Variants in OSBP observed in about 807,000 individuals in gnomAD.
OSBP encodes oxysterol binding protein, also known as oxysterol-binding protein 1.
Under a neutral mutation model 96.6 loss-of-function variants are expected in OSBP, and 32 were observed. The observed-to-expected ratio is 0.33, with a 90% CI of 0.25 to 0.45. The LOEUF (loss-of-function observed/expected upper bound fraction) is 0.45. Ranked by LOEUF, OSBP falls within the 20% of genes least tolerant of loss-of-function variation. The pLI is 1.00. For synonymous variants in OSBP, 369 were observed against 389.6 expected (o/e 0.95, Z 0.62); for missense variants, 653 against 1,029.7 (o/e 0.63, Z 5.01).
Position 59,580,211 on chromosome 11 carries a change from A to G in OSBP, c.1841T>C (p.Val614Ala), listed in dbSNP as rs1323946250. ...KTGDKCNLKF[V>A]PYSYFSRDVA... ...ATCCCGAGAGAAGTAGCTATAAGGA[A>G]CAAATTTAAGATTACACTTGTCTCC... The change falls in exon 11 of 14, where the codon GTT (valine) becomes GCT (alanine). Residue 614 changes from valine to alanine, a missense_variant. Around this residue, in one of 6 missense-constraint regions of OSBP, gnomAD observed 169 missense variants for 251.5 expected, o/e 0.67. Transcript: ENST00000263847. The G allele has an allele frequency of 6.8e-6, 11 of 1,612,810 alleles. No homozygotes were observed. Among genetic ancestry groups the G allele is most frequent in the Non-Finnish European group, 7.6e-6 (9 of 1,178,986 alleles).
chr11:59,580,441 T>C (rs73484887), intron 10 of OSBP, among the ~76,000 whole-genome samples, 172 bp from the exon 11 acceptor site: 4,207 of 152,290 alleles, frequency 0.028, 184 homozygotes, highest in African/African-American at 0.094. Context: ...ACCTTGGTTT[T>C]CCAGGTTGAG....
At chr11:59,596,280 C>T (rs1260577448) in intron 7 of OSBP, among the ~76,000 whole-genome samples, 3 of 152,012 alleles carry the variant, frequency 2.0e-5, no homozygotes, top group Non-Finnish European at 2.9e-5. Flanking sequence ...AAAATCTGTC[C>T]GTGGCAGAAT....
chr11:59,591,706 C>T (rs1188922745), intron 9 of OSBP, among the ~76,000 whole-genome samples: 11 of 151,506 alleles, frequency 7.3e-5, no homozygotes, highest in Admixed American at 6.6e-4. Flanking sequence ...CTGCAACCTC[C>T]GCCTCCTGGG....
intron 3 of OSBP, among the ~76,000 whole-genome samples, chr11:59,602,763 A>G (rs1169402021): frequency 6.6e-6 from 1 of 152,196 alleles, no homozygotes; most frequent in Admixed American, 6.5e-5. Flanking sequence ...TTGGGACTAC[A>G]GTTATGTACC....
intron 10 of OSBP, among the ~76,000 whole-genome samples, chr11:59,581,202 A>G (rs1860416435): frequency 6.6e-6 from 1 of 152,192 alleles, no homozygotes; most frequent in Non-Finnish European, 1.5e-5. Flanking sequence ...CTGTCGTAGC[A>G]CCCAACACAG....
intron 9 of OSBP, among the ~76,000 whole-genome samples, chr11:59,593,061 G>A (rs1402425486): frequency 6.6e-6 from 1 of 152,178 alleles, no homozygotes; most frequent in Non-Finnish European, 1.5e-5. Flanking sequence ...GCCTCCCAAA[G>A]TGCTAGGATT....
rs1860346823 is a variant in OSBP, at chr11:59,575,167, A to T, written c.*1410T>A. The stretch of plus-strand genomic sequence containing the variant: ...ATTCAGCCTATGCGCCGGACAGAGC[A>T]GAATTAAATTGGAAGTTGCCCTCCG... On this transcript the variant is annotated 3_prime_UTR_variant, in exon 14 of 14. Coordinates refer to ENST00000263847, the MANE Select transcript of OSBP (RefSeq NM_002556.3). 6.6e-6 allele frequency: 1 copy of T among 152,224 alleles called. No individual in the cohort carries two copies. The highest frequency in any genetic ancestry group is 1.5e-5 in the Non-Finnish European group (1 of 68,036). The allele number at this position is 152,224 out of a possible 1,614,324, so 9.4% of individuals were successfully genotyped here. A position where few individuals can be genotyped will look rare whatever the true frequency, so the allele number is the denominator to read the frequency against.
rs1860711417 is a variant in OSBP at position 59,600,603 on chromosome 11, T to C, written c.1204A>G (p.Lys402Glu). 6.2e-7 allele frequency: 1 copy of C among 1,613,996 alleles called. No homozygotes were observed. The change falls in exon 7 of 14, where the codon AAA becomes GAA. Residue 402 changes from lysine to glutamate, a missense_variant. Coordinates refer to ENST00000263847, the MANE Select transcript of OSBP (RefSeq NM_002556.3). ...GGTATTCTGGTTCTCTTTTCCTTTT[T>C]GGTCTCCTCCAGCTGATGCTTGTAC... ...EQYKHQLEET[K>E]KEKRTRIPYK... is the part of the protein sequence containing the mutation.
rs932821904 is a variant in OSBP at position 59,601,000 on chromosome 11, G to A, written c.1125-127C>T. 16 of 760,660 alleles carry A rather than the reference G, an allele frequency of 2.1e-5. 1 individual carries two copies. Among genetic ancestry groups the A allele is most frequent in the Non-Finnish European group, 2.4e-5 (11 of 450,706 alleles). The allele number at this position is 760,660 out of a possible 1,614,324, so 47.1% of individuals were successfully genotyped here. The stretch of plus-strand genomic sequence containing the variant: ...ACTTATTGATGGGTGATCAAATGAC[G>A]ACATTTAGAGTAGGAATGAATTTAA... On this transcript the variant is annotated intron_variant, in intron 5 of 13. Coordinates refer to ENST00000263847, the MANE Select transcript of OSBP (RefSeq NM_002556.3).
chr11:59,577,264 C>A (rs543489189), intron 12 of OSBP, among the ~76,000 whole-genome samples: 1 of 152,296 alleles, frequency 6.6e-6, no homozygotes, highest in East Asian at 1.9e-4. Flanking sequence ...GTGTGGTGCC[C>A]AGCTGAAATT....
intron 3 of OSBP, among the ~76,000 whole-genome samples, chr11:59,608,064 C>T (rs931371510): frequency 1.3e-5 from 2 of 152,132 alleles, no homozygotes; most frequent in Non-Finnish European, 2.9e-5. Context: ...AAGAACATGA[C>T]AATGGAAGGG....
intron 3 of OSBP, among the ~76,000 whole-genome samples, chr11:59,605,384 T>TCTCC (rs1860770012): frequency 1.3e-5 from 2 of 152,080 alleles, no homozygotes; most frequent in South Asian, 4.2e-4. Context: ...GATCAAAGCT[T>TCTCC]CTCCCTCATT....
In OSBP at chr11:59,615,711, C is replaced by G; in HGVS notation, c.-47G>C. The stretch of plus-strand genomic sequence containing the variant: ...ACAAGACCGGAACCGCCTACGAGAG[C>G]CGCCGTCGCCGCCCGGAGCGCCCCA... On this transcript the variant is annotated 5_prime_UTR_variant, in exon 1 of 14. Transcript: ENST00000263847. 1.6e-6 allele frequency: 2 copies of G among 1,258,932 alleles called. No homozygotes were observed. Among genetic ancestry groups the G allele is most frequent in the Non-Finnish European group, 2.0e-6 (2 of 1,003,122 alleles). The allele number at this position is 1,258,932 out of a possible 1,614,324, so 78.0% of individuals were successfully genotyped here. A position where few individuals can be genotyped will look rare whatever the true frequency, so the allele number is the denominator to read the frequency against.
chr11:59,577,495 CTTAT>C (rs1435517482), intron 12 of OSBP, among the ~76,000 whole-genome samples: 6 of 151,058 alleles, frequency 4.0e-5, no homozygotes, highest in Admixed American at 2.0e-4. Context: ...TTTTCTTTTT[CTTAT>C]TTATTTATTT....
intron 9 of OSBP, among the ~76,000 whole-genome samples, chr11:59,588,044 T>C (rs1327402811): frequency 4.6e-5 from 7 of 152,196 alleles, no homozygotes; most frequent in African/African-American, 1.4e-4. Context: ...ATAAATATTA[T>C]TCAGCCTTAA....
chr11:59,575,710 A>T lies in OSBP; in HGVS notation c.*867T>A, dbSNP rs1242601274. Reference sequence around the variant, plus strand: ...AGACCCAAAATGGTACTGTGCCAGAAGAAGAGAAGCCAGAAAGACAATGAA... The same window carrying T: ...AGACCCAAAATGGTACTGTGCCAGATGAAGAGAAGCCAGAAAGACAATGAA... On this transcript the variant is annotated 3_prime_UTR_variant, in exon 14 of 14. Coordinates refer to ENST00000263847, the MANE Select transcript of OSBP (RefSeq NM_002556.3). 6.6e-6 allele frequency: 1 copy of T among 152,454 alleles called. No individual in the cohort carries two copies. Among genetic ancestry groups the T allele is most frequent in the African/African-American group, 2.4e-5 (1 of 41,428 alleles). The allele number at this position is 152,454 out of a possible 1,614,324, so 9.4% of individuals were successfully genotyped here.
intron 9 of OSBP, among the ~76,000 whole-genome samples, chr11:59,590,574 A>C (rs1860565493): frequency 6.6e-6 from 1 of 152,198 alleles, no homozygotes; most frequent in Non-Finnish European, 1.5e-5. Flanking sequence ...TCAATGGCTG[A>C]CCCATAATGA....
In OSBP at chr11:59,615,386, G is replaced by A. The variant is rs1359486674; in HGVS notation, c.279C>T (p.Gly93=). Residue 93 remains glycine (G), a synonymous_variant, in exon 1 of 14, where the codon GGC becomes GGT. Coordinates refer to ENST00000263847, the MANE Select transcript of OSBP (RefSeq NM_002556.3). ...GAGGSGSARE[G]WLFKWTNYIK... ...TATAATTGGTCCATTTGAAGAGCCAGCCCTCTCGAGCCGAGCCCGAACCCC... is the reference window on the plus strand; with the variant it reads ...TATAATTGGTCCATTTGAAGAGCCAACCCTCTCGAGCCGAGCCCGAACCCC... The A allele has an allele frequency of 3.8e-6, 6 of 1,578,414 alleles. No homozygotes were observed. Among genetic ancestry groups the A allele is most frequent in the East Asian group, 2.4e-5 (1 of 41,898 alleles).
rs1323746866 is a variant in OSBP, at chr11:59,601,353, C to T, written c.1054G>A (p.Asp352Asn). 3.1e-6 allele frequency: 5 copies of T among 1,613,172 alleles called. No individual in the cohort carries two copies. Among genetic ancestry groups the T allele is most frequent in the South Asian group, 2.2e-5 (2 of 91,068 alleles). Reference sequence around the variant, plus strand: ...AAAAATTCATTCTCATCATCTTCATCGCTCATGTCCCCTTTGCCAGAGCAG... The same window carrying T: ...AAAAATTCATTCTCATCATCTTCATTGCTCATGTCCCCTTTGCCAGAGCAG... ...QCCSGKGDMS[D>N]EDDENEFFDA... The change falls in exon 5 of 14, where the codon GAT (aspartate) becomes AAT (asparagine). Residue 352 changes from aspartate to asparagine, a missense_variant. Around this residue, in one of 6 missense-constraint regions of OSBP, gnomAD observed 308 missense variants for 573.1 expected, o/e 0.54. Coordinates refer to ENST00000263847, the MANE Select transcript of OSBP (RefSeq NM_002556.3).
Sources: allele counts gnomAD v4.1 joint callset (sites outside exome capture counted in the v4.1 genomes callset), GRCh38; gene constraint gnomAD v4.1.1; regional missense constraint gnomAD v4.1.1; transcripts MANE v1.5; gene names NCBI Gene and HGNC (gene_info 2026-07-23, HGNC 2026-07-21).